The following SRGAP3 variants were observed in gnomAD, a reference collection of about 807,000 sequenced individuals.
SRGAP3 encodes the protein SLIT-ROBO Rho GTPase activating protein 3, also known as SLIT-ROBO Rho GTPase-activating protein 3.
A neutral mutation model predicts 121.1 loss-of-function variants in SRGAP3; 39 were observed. That is an observed-to-expected ratio of 0.32 (90% CI 0.25 to 0.42). SRGAP3 has a LOEUF of 0.42. SRGAP3 is among the 10% of genes least tolerant of loss of function. The pLI is 1.00. For missense variants in SRGAP3, 1,213 were observed against 1,470.6 expected (o/e 0.82, Z 2.86); for synonymous variants, 601 against 570.0 (o/e 1.05, Z -0.77).
chr3:9,079,890 C>T (rs1201624314), intron 4 of SRGAP3, 135 bp downstream of exon 4: 3 of 807,186 alleles, frequency 3.7e-6, no homozygotes, highest in Non-Finnish European at 4.1e-6. Flanking sequence ...GACACGATGA[C>T]CCACTGTCAC....
intron 1 of SRGAP3, 185 bp from the exon 2 acceptor site, chr3:9,125,102 T>C: frequency 2.9e-6 from 2 of 678,498 alleles, no homozygotes; most frequent in South Asian, 3.7e-5. Flanking sequence ...ATTTCTCTCT[T>C]GCTCGTTTTT....
chr3:9,060,426 T>TC, intron 5 of SRGAP3, 67 bp from the exon 6 acceptor site: 1 of 1,502,166 alleles, frequency 6.7e-7, no homozygotes, highest in Non-Finnish European at 8.8e-7. Context: ...GATTTTCTAT[T>TC]CCTTTTTTTT....
intron 3 of SRGAP3, among the ~76,000 whole-genome samples, chr3:9,320,827 G>A (rs1471901042): frequency 6.6e-6 from 1 of 151,612 alleles, no homozygotes; most frequent in Non-Finnish European, 1.5e-5. Flanking sequence ...TTGAGTATCT[G>A]TCACTTTCTG....
intron 1 of SRGAP3, among the ~76,000 whole-genome samples, chr3:9,126,001 C>T (rs925317774): frequency 2.6e-5 from 4 of 152,180 alleles, no homozygotes; most frequent in African/African-American, 4.8e-5. Context: ...ATGTGTGCCC[C>T]GTCTGAAATG....
At chr3:9,357,022 C>A (rs2030552521) in intron 1 of SRGAP3, among the ~76,000 whole-genome samples, 1 of 151,838 alleles carries the variant, frequency 6.6e-6, no homozygotes, top group Non-Finnish European at 1.5e-5. Flanking sequence ...CAGCACTTTG[C>A]AAGGCCAAGG....
intron 3 of SRGAP3, chr3:9,293,332 G>A (rs928177849): frequency 6.6e-6 from 1 of 152,120 alleles, no homozygotes; most frequent in Non-Finnish European, 1.5e-5. Context: ...CTGGAAGGCT[G>A]GTAAAGGGGA....
intron 11 of SRGAP3, chr3:9,035,291 G>GT (rs1334683686): frequency 1.9e-5 from 3 of 158,006 alleles, no homozygotes; most frequent in Non-Finnish European, 4.2e-5. Flanking sequence ...AGTCCTAAGT[G>GT]TTTTTTGTTT....
chr3:9,195,947 C>G (rs1380185680), intron 1 of SRGAP3, among the ~76,000 whole-genome samples: 1 of 152,072 alleles, frequency 6.6e-6, no homozygotes, highest in African/African-American at 2.4e-5. Context: ...TAGAGCAAGA[C>G]CCTGTCTCCA....
chr3:9,350,645 C>T (rs1437553628), intron 1 of SRGAP3, among the ~76,000 whole-genome samples: 1 of 152,170 alleles, frequency 6.6e-6, no homozygotes, highest in Non-Finnish European at 1.5e-5. Context: ...CAAAGTCTTT[C>T]TGAATAGACT....
intron 1 of SRGAP3, among the ~76,000 whole-genome samples, chr3:9,199,953 G>A (rs554645744): frequency 6.6e-6 from 1 of 152,286 alleles, no homozygotes; most frequent in African/African-American, 2.4e-5. Context: ...AAATGCTTAA[G>A]AAAAAAATCA....
chr3:9,348,897 AG>A (rs1252721486), intron 1 of SRGAP3: 10 of 1,061,898 alleles, frequency 9.4e-6, no homozygotes, highest in Non-Finnish European at 1.3e-5. Context: ...CCCTCCTGTG[AG>A]AGTCTGAAGG....
At chr3:9,101,565 G>T (rs190278447) in intron 3 of SRGAP3, among the ~76,000 whole-genome samples, 4 of 152,198 alleles carry the variant, frequency 2.6e-5, no homozygotes, top group African/African-American at 9.6e-5. Flanking sequence ...CACGGCCAGC[G>T]GGTGGGGCTG....
intron 3 of SRGAP3, among the ~76,000 whole-genome samples, chr3:9,310,181 C>T (rs1384951337): frequency 6.6e-6 from 1 of 152,158 alleles, no homozygotes; most frequent in East Asian, 1.9e-4. Flanking sequence ...CTTTTCATCA[C>T]AAAGAACAGG....
intron 1 of SRGAP3, among the ~76,000 whole-genome samples, chr3:9,197,694 CAGA>C (rs1951956107): frequency 6.6e-6 from 1 of 152,206 alleles, no homozygotes; most frequent in African/African-American, 2.4e-5. Context: ...TCATGCATCT[CAGA>C]AGTTTAGAAG....
At chr3:9,236,598 T>C (rs1953419459) in intron 1 of SRGAP3, among the ~76,000 whole-genome samples, 1 of 152,090 alleles carries the variant, frequency 6.6e-6, no homozygotes, top group Non-Finnish European at 1.5e-5. Context: ...CTCTTCTTCC[T>C]ACTCCTGCCA....
intron 2 of SRGAP3, among the ~76,000 whole-genome samples, chr3:9,118,696 C>CA (rs926542375): frequency 1.3e-5 from 2 of 152,074 alleles, no homozygotes; most frequent in African/African-American, 4.8e-5. Context: ...GCCAGGCCCC[C>CA]CCCCCAAGAA....
intron 18 of SRGAP3, among the ~76,000 whole-genome samples, chr3:9,008,698 G>A (rs1316524273): frequency 6.6e-6 from 1 of 152,206 alleles, no homozygotes; most frequent in Non-Finnish European, 1.5e-5. Context: ...CCTCAGTTCA[G>A]GATGACTTTA....
At chr3:9,277,401 A>G (rs931524410) in intron 3 of SRGAP3, among the ~76,000 whole-genome samples, 1 of 151,788 alleles carries the variant, frequency 6.6e-6, no homozygotes, top group African/African-American at 2.4e-5. Flanking sequence ...GGAGTTGGAG[A>G]CCAGCTTGGC....
chr3:9,013,878 T>C, intron 15 of SRGAP3, 36 bp from the exon 16 acceptor site: 8 of 1,594,102 alleles, frequency 5.0e-6, no homozygotes, highest in Non-Finnish European at 6.9e-6. Flanking sequence ...GTGCCTTTCA[T>C]CCTCAGAGAG....
Sources: allele counts gnomAD v4.1 joint callset (sites outside exome capture counted in the v4.1 genomes callset), GRCh38; gene constraint gnomAD v4.1.1; transcripts MANE v1.5; gene names NCBI Gene and HGNC (gene_info 2026-07-23, HGNC 2026-07-21).